The following CCDC93 variants were observed in gnomAD, a reference collection of about 807,000 sequenced individuals.
CCDC93 encodes coiled-coil domain-containing protein 93.
Under a neutral mutation model 108.2 loss-of-function variants are expected in CCDC93, and 61 were observed. The ratio of observed to expected loss-of-function variants is 0.56; its 90% CI spans 0.46 to 0.70. CCDC93 has a LOEUF of 0.70. CCDC93 is among the 30% of genes least tolerant of loss of function. The pLI, the probability that CCDC93 is intolerant of heterozygous loss-of-function variation, is 0.00. For synonymous variants in CCDC93, 276 were observed against 260.4 expected (o/e 1.06, Z -0.58); for missense variants, 685 against 764.2 (o/e 0.90, Z 1.22).
rs1277950127 is a variant in CCDC93 at position 117,917,252 on chromosome 2, T to G, written c.*3091A>C. On this transcript the variant is annotated 3_prime_UTR_variant, in exon 24 of 24. Transcript: ENST00000376300. ...GAGTGCCCTTTCAGGCAGGTCTGCT[T>G]CGGTCACTAGAGACGTACTGGGGCC... 6.6e-6 allele frequency: 1 copy of G among 152,628 alleles called. No homozygotes were observed. Among genetic ancestry groups the G allele is most frequent in the African/African-American group, 2.4e-5 (1 of 41,438 alleles). 9.5% of individuals were successfully genotyped at this position (152,628 alleles called of 1,614,324 possible).
chr2:117,963,454 T>C (rs1173367656), intron 11 of CCDC93, among the ~76,000 whole-genome samples: 1 of 152,246 alleles, frequency 6.6e-6, no homozygotes, highest in East Asian at 1.9e-4. Flanking sequence ...CTCCTGATGA[T>C]GTGTGACCAC....
chr2:118,001,772 C>A (rs1573529385), intron 3 of CCDC93, among the ~76,000 whole-genome samples: 1 of 152,182 alleles, frequency 6.6e-6, no homozygotes, highest in Non-Finnish European at 1.5e-5. Context: ...TTTATGGCAG[C>A]ACTGGTGGAG....
At chr2:117,947,693 CTTTTTTTTT>C (rs763811529) in intron 15 of CCDC93, among the ~76,000 whole-genome samples, 1 of 121,986 alleles carries the variant, frequency 8.2e-6, no homozygotes, top group Non-Finnish European at 1.7e-5. Flanking sequence ...GATGAATCTG[CTTTTTTTTT>C]TTTTTTTTTG....
At position 117,988,327 on chromosome 2, in the gene CCDC93, G is replaced by A. The variant is rs1573516696; in HGVS notation, c.520-2258C>T. ...CTAAGTTCACATTCCTCAATGCAGG[G>A]AAGGGAGGTAGAACAGCACAGTACC... On this transcript the variant is annotated intron_variant, in intron 6 of 23. Transcript: ENST00000376300. Among the ~76,000 whole-genome samples, 3 of 152,180 alleles carry A rather than the reference G, an allele frequency of 2.0e-5. No individual in the cohort carries two copies. In the South Asian group the frequency reaches 6.2e-4, roughly 32 times the overall value.
At chr2:117,940,656 G>A (rs1678671566) in intron 19 of CCDC93, among the ~76,000 whole-genome samples, 1 of 152,216 alleles carries the variant, frequency 6.6e-6, no homozygotes, top group African/African-American at 2.4e-5. Context: ...GAGATATGAT[G>A]CAAGAGCAGA....
intron 4 of CCDC93, chr2:118,000,073 G>C (rs554780568): frequency 2.6e-5 from 4 of 152,324 alleles, no homozygotes; most frequent in African/African-American, 7.2e-5. Flanking sequence ...TCTACAAATT[G>C]TAAGATGTTC....
At chr2:117,960,608 T>C (rs778516338) in intron 11 of CCDC93, among the ~76,000 whole-genome samples, 23 of 152,194 alleles carry the variant, frequency 1.5e-4, no homozygotes, top group Non-Finnish European at 2.5e-4. Flanking sequence ...AATTATGACC[T>C]TCAGACTTCA....
rs1573448757 is a variant in CCDC93 at position 117,916,259 on chromosome 2, G to A, written c.*4084C>T. 6 of 152,190 alleles carry A rather than the reference G, an allele frequency of 3.9e-5. No individual in the cohort carries two copies. In the South Asian group the frequency reaches 1.2e-3, roughly 32 times the overall value. 9.4% of individuals were successfully genotyped at this position (152,190 alleles called of 1,614,324 possible). On this transcript the variant is annotated 3_prime_UTR_variant, in exon 24 of 24. Transcript: ENST00000376300. ...CCCATCAAGTTACCTTTAGGTTCAT[G>A]ACACATTTTGAGCCAAAACATACCT...
At chr2:117,995,269 T>C (rs985661080) in intron 6 of CCDC93, 177 bp downstream of exon 6, 7 of 635,796 alleles carry the variant, frequency 1.1e-5, no homozygotes, top group African/African-American at 1.8e-5. Context: ...CTGTGCATAC[T>C]GGTGTCCTGG....
chr2:117,977,880 C>A, intron 8 of CCDC93, 114 bp downstream of exon 8: 1 of 937,818 alleles, frequency 1.1e-6, no homozygotes, highest in Non-Finnish European at 1.7e-6. Flanking sequence ...AGGCAGCTCA[C>A]ACATCCCTGG....
chr2:117,930,806 C>A, intron 23 of CCDC93: 1 of 398,990 alleles, frequency 2.5e-6, no homozygotes, highest in South Asian at 5.4e-5. Flanking sequence ...GTTAGGAAAA[C>A]TAAAGTGATG....
intron 6 of CCDC93, among the ~76,000 whole-genome samples, chr2:117,995,006 C>T (rs10195531): frequency 0.35 from 52,827 of 151,958 alleles, 9,706 homozygotes; most frequent in Middle Eastern, 0.48. Flanking sequence ...GTGATTAAGA[C>T]GTACTGTGAA....
At chr2:117,998,094 T>C (rs1052404902) in intron 4 of CCDC93, 6 of 152,328 alleles carry the variant, frequency 3.9e-5, no homozygotes, top group Admixed American at 3.3e-4. Flanking sequence ...AAGAAAAATA[T>C]TGACCTTCAC....
At chr2:117,922,484 G>A (rs1018073455) in intron 23 of CCDC93, among the ~76,000 whole-genome samples, 1 of 152,072 alleles carries the variant, frequency 6.6e-6, no homozygotes, top group Non-Finnish European at 1.5e-5. Flanking sequence ...AAAAATGTAG[G>A]GTTTGAATTC....
chr2:117,986,003 ATTC>A lies in CCDC93; in HGVS notation c.583_585del (p.Glu195del), dbSNP rs1680306024. The stretch of plus-strand genomic sequence containing the variant: ...TCCAAAAGTGTAGCATGGATTCGAG[ATTC>A]TTCATCAAGTAGCTCCTCTGCTCCC... On this transcript the variant is annotated inframe_deletion, in exon 7 of 24. Transcript: ENST00000376300. The A allele has an allele frequency of 6.2e-7, 1 of 1,613,392 alleles. No individual in the cohort carries two copies. The highest frequency in any genetic ancestry group is 8.5e-7 in the Non-Finnish European group (1 of 1,179,488).
At position 117,939,104 on chromosome 2, in the gene CCDC93, T is replaced by C; in HGVS notation, c.1530A>G (p.Ala510=). 1 of 1,557,482 alleles carries C rather than the reference T, an allele frequency of 6.4e-7. No homozygotes were observed. Among genetic ancestry groups the C allele is most frequent in the Non-Finnish European group, 8.9e-7 (1 of 1,129,078 alleles). ...AGAACTGCTTGGTTTCTTTGTGCAC[T>C]GCTGAAACTGTAAAAGTAAAGAAAT... ...RFIELYRQIS[A]VHKETKQFFT... Residue 510 remains alanine (A), a synonymous_variant, in exon 20 of 24, where the codon GCA becomes GCG. Coordinates refer to ENST00000376300, the MANE Select transcript of CCDC93 (RefSeq NM_019044.5).
chr2:117,945,978 G>A (rs879320468), intron 16 of CCDC93, among the ~76,000 whole-genome samples: 37 of 152,322 alleles, frequency 2.4e-4, no homozygotes, highest in Admixed American at 2.2e-3. Flanking sequence ...ACTGTGCGAC[G>A]ATGAGCCTGG....
chr2:117,947,396 G>T (rs922966236), intron 15 of CCDC93, among the ~76,000 whole-genome samples: 5 of 152,078 alleles, frequency 3.3e-5, no homozygotes, highest in African/African-American at 1.2e-4. Context: ...CACTAGAGTT[G>T]CCAGAACACG....
intron 23 of CCDC93, among the ~76,000 whole-genome samples, chr2:117,925,767 C>A (rs34270952): frequency 1.3e-5 from 2 of 152,274 alleles, no homozygotes; most frequent in Middle Eastern, 3.4e-3. Flanking sequence ...ACCAAGCAGA[C>A]CTAATAGACA....
Sources: gnomAD v4.1 joint callset for allele counts (sites outside exome capture counted in the v4.1 genomes callset) on GRCh38, gnomAD v4.1.1 for gene constraint, MANE v1.5 for transcripts, NCBI Gene and HGNC (gene_info 2026-07-23, HGNC 2026-07-21) for gene names.